The following MLLT3 variants were observed in gnomAD, a reference collection of about 807,000 sequenced individuals.
MLLT3 encodes the protein protein AF-9.
In MLLT3, 4 loss-of-function variants were observed where a neutral mutation model predicts 53.2. The observed-to-expected ratio is 0.08, with a 90% CI of 0.04 to 0.17. The LOEUF (loss-of-function observed/expected upper bound fraction) is 0.17, where lower values mean the gene tolerates loss of function less well. Among genes scored for constraint, MLLT3 ranks in the 10% least tolerant of loss-of-function variants. The pLI is 1.00. For missense variants in MLLT3, 569 were observed against 684.0 expected, an observed-to-expected ratio of 0.83 and a Z score of 1.87; for synonymous variants, 283 against 230.6, an observed-to-expected ratio of 1.23 and a Z score of -2.06.
At chr9:20,367,491 TCCAC>T (rs1338734101) in intron 5 of MLLT3, among the ~76,000 whole-genome samples, 1 of 152,196 alleles carries the variant, frequency 6.6e-6, no homozygotes, top group Admixed American at 6.5e-5. Flanking sequence ...GGCCCTGCGT[TCCAC>T]CTTCTGCCAC....
chr9:20,557,653 T>C (rs1029476378), intron 2 of MLLT3, among the ~76,000 whole-genome samples: 2 of 152,206 alleles, frequency 1.3e-5, no homozygotes, highest in East Asian at 3.9e-4. Context: ...TGAACCCCAT[T>C]AGTCCCTTCC....
chr9:20,558,639 G>A (rs761557319), intron 2 of MLLT3, among the ~76,000 whole-genome samples: 9 of 152,170 alleles, frequency 5.9e-5, no homozygotes, highest in Non-Finnish European at 8.8e-5. Flanking sequence ...TGGACCCCTA[G>A]AGAGGCTGAC....
intron 4 of MLLT3, among the ~76,000 whole-genome samples, chr9:20,417,797 T>C (rs1357726706): frequency 1.3e-5 from 2 of 152,188 alleles, no homozygotes; most frequent in African/African-American, 4.8e-5. Flanking sequence ...CTTCTAATAC[T>C]ACTTGTCAGC....
chr9:20,371,178 A>T (rs771895047), intron 5 of MLLT3, among the ~76,000 whole-genome samples: 2 of 152,370 alleles, frequency 1.3e-5, no homozygotes, highest in East Asian at 3.9e-4. Flanking sequence ...AGGTTGGTTC[A>T]TAAGGTTTAG....
rs562433400 is a variant in MLLT3 at position 20,404,415 on chromosome 9, C to T, written c.1125+9306G>A. Among the ~76,000 whole-genome samples, 6 of 152,268 alleles carry T rather than the reference C, an allele frequency of 3.9e-5. No individual in the cohort carries two copies. In the East Asian group the frequency reaches 9.7e-4, roughly 25 times the overall value. ...ATTAATATTTTGCTTGAACTAATAC[C>T]TGAATGGCAATTTGCATCTATAATA... On this transcript the variant is annotated intron_variant, in intron 5 of 10. Transcript: ENST00000380338.
At chr9:20,508,186 A>G (rs1825433394) in intron 2 of MLLT3, among the ~76,000 whole-genome samples, 1 of 152,200 alleles carries the variant, frequency 6.6e-6, no homozygotes, top group South Asian at 2.1e-4. Flanking sequence ...TGGTCTCACA[A>G]AACTGCAGGT....
intron 2 of MLLT3, among the ~76,000 whole-genome samples, chr9:20,596,047 A>AGT (rs947481276): frequency 1.3e-5 from 2 of 152,210 alleles, no homozygotes; most frequent in African/African-American, 4.8e-5. Flanking sequence ...GGTATAAACA[A>AGT]ACCTAGCCAT....
chr9:20,401,130 G>T (rs1021365351), intron 5 of MLLT3, among the ~76,000 whole-genome samples: 1 of 152,078 alleles, frequency 6.6e-6, no homozygotes, highest in Non-Finnish European at 1.5e-5. Context: ...AATAAGATCT[G>T]AGGGAAAAGA....
intron 2 of MLLT3, among the ~76,000 whole-genome samples, chr9:20,464,328 T>C (rs1478184334): frequency 6.6e-6 from 1 of 152,164 alleles, no homozygotes; most frequent in African/African-American, 2.4e-5. Context: ...AGACGAGTCC[T>C]GCTCAGTCTA....
chr9:20,473,841 C>T (rs1183871532), intron 2 of MLLT3, among the ~76,000 whole-genome samples: 3 of 152,090 alleles, frequency 2.0e-5, no homozygotes, highest in Admixed American at 6.6e-5. Flanking sequence ...CAATGAAGTA[C>T]AATACATAAA....
chr9:20,453,179 T>C (rs919229503), intron 3 of MLLT3, among the ~76,000 whole-genome samples: 6 of 152,114 alleles, frequency 3.9e-5, no homozygotes, highest in African/African-American at 9.7e-5. Context: ...TAGTAACATA[T>C]AGAAAAGTAC....
intron 2 of MLLT3, among the ~76,000 whole-genome samples, chr9:20,499,900 T>TAA (rs11378982): frequency 1.5e-4 from 22 of 151,412 alleles, no homozygotes; most frequent in African/African-American, 4.8e-4. Context: ...ACCTGTCTCT[T>TAA]AAAAAAAAAT....
chr9:20,444,460 C>T (rs1363548047), intron 4 of MLLT3, among the ~76,000 whole-genome samples: 1 of 151,998 alleles, frequency 6.6e-6, no homozygotes, highest in Non-Finnish European at 1.5e-5. Context: ...AGGAAATATC[C>T]TCCCTTAATA....
chr9:20,446,680 T>C (rs909089286), intron 4 of MLLT3, among the ~76,000 whole-genome samples: 2 of 152,218 alleles, frequency 1.3e-5, no homozygotes, highest in African/African-American at 4.8e-5. Flanking sequence ...GGATTTTAAA[T>C]GGACCAGTTA....
At chr9:20,463,094 G>A (rs938680855) in intron 2 of MLLT3, among the ~76,000 whole-genome samples, 1 of 152,056 alleles carries the variant, frequency 6.6e-6, no homozygotes, top group South Asian at 2.1e-4. Flanking sequence ...GATTGCACTC[G>A]TAAAGGAGGG....
chr9:20,545,025 C>T (rs1407656142), intron 2 of MLLT3, among the ~76,000 whole-genome samples: 1 of 139,736 alleles, frequency 7.2e-6, no homozygotes, highest in Non-Finnish European at 1.5e-5. Context: ...AACACAGGAG[C>T]TCGAGGTTAC....
At chr9:20,544,634 G>A (rs1037715607) in intron 2 of MLLT3, among the ~76,000 whole-genome samples, 2 of 152,164 alleles carry the variant, frequency 1.3e-5, no homozygotes, top group Admixed American at 6.5e-5. Context: ...CACTGTCATT[G>A]GGGATACAAA....
chr9:20,562,218 C>G (rs1053209228), intron 2 of MLLT3, among the ~76,000 whole-genome samples: 1 of 152,050 alleles, frequency 6.6e-6, no homozygotes, highest in Non-Finnish European at 1.5e-5. Context: ...ACTAGTTTCA[C>G]AATCACTATA....
At chr9:20,372,388 T>C (rs747448345) in intron 5 of MLLT3, among the ~76,000 whole-genome samples, 41 of 151,850 alleles carry the variant, frequency 2.7e-4, no homozygotes, top group Non-Finnish European at 5.0e-4. Context: ...AACTGCATTG[T>C]CTTATTTTCT....
Sources: gnomAD v4.1 joint callset for allele counts (sites outside exome capture counted in the v4.1 genomes callset) on GRCh38, gnomAD v4.1.1 for gene constraint, MANE v1.5 for transcripts, NCBI Gene and HGNC (gene_info 2026-07-23, HGNC 2026-07-21) for gene names.